NOL4L: variants seen among roughly 807,000 people sequenced by gnomAD.
The protein encoded by NOL4L is nucleolar protein 4-like.
In NOL4L, 7 loss-of-function variants were observed where a neutral mutation model predicts 64.5. That is an observed-to-expected ratio of 0.11 (90% CI 0.06 to 0.20). The LOEUF is 0.20. NOL4L is among the 10% of genes least tolerant of loss of function. The probability of loss-of-function intolerance (pLI) is 1.00; values close to 1 mark genes in which losing one functional copy is unlikely to be tolerated. For missense variants in NOL4L, 680 were observed against 967.1 expected (o/e 0.70, Z 3.94); for synonymous variants, 413 against 401.0 (o/e 1.03, Z -0.36).
At position 32,454,980 on chromosome 20, in the gene NOL4L, T is replaced by C. The variant is rs544316143; in HGVS notation, c.1119+1138A>G. Among the ~76,000 whole-genome samples, 294 of 152,312 alleles carry C rather than the reference T, an allele frequency of 1.9e-3. 2 individuals are homozygous for C. Among genetic ancestry groups the C allele is most frequent in the African/African-American group, 6.3e-3 (261 of 41,570 alleles). On this transcript the variant is annotated intron_variant, in intron 6 of 10. Transcript: ENST00000621426. ...TGGTGCCCTAGGGTCACTGGCCTGG[T>C]GCCTGTCTCTTCGTCCACATACAGA...
At chr20:32,521,591 G>A (rs1389370839) in intron 2 of NOL4L, among the ~76,000 whole-genome samples, 1 of 152,186 alleles carries the variant, frequency 6.6e-6, no homozygotes, top group East Asian at 1.9e-4. Flanking sequence ...GTTGCCTCCA[G>A]AAGGCCTCCC....
intron 4 of NOL4L, among the ~76,000 whole-genome samples, chr20:32,479,682 C>A (rs556539688): frequency 6.6e-6 from 1 of 152,340 alleles, no homozygotes; most frequent in South Asian, 2.1e-4. Flanking sequence ...CTTTGGACAC[C>A]CTGAAGCCCG....
intron 4 of NOL4L, among the ~76,000 whole-genome samples, chr20:32,488,747 T>TTCCTTCCTTCCTTCC (rs1392925840): frequency 1.9e-5 from 2 of 106,806 alleles, no homozygotes; most frequent in Admixed American, 9.9e-5. Flanking sequence ...CTTTCTTTCT[T>TTCCTTCCTTCCTTCC]TTCCTTCCTT....
At chr20:32,558,693 G>T (rs1035337248) in intron 1 of NOL4L, among the ~76,000 whole-genome samples, 2 of 152,224 alleles carry the variant, frequency 1.3e-5, no homozygotes, top group Non-Finnish European at 2.9e-5. Context: ...TCTGACTGGT[G>T]GGGCCAGAGG....
chr20:32,556,101 GC>G (rs549721949), intron 1 of NOL4L, among the ~76,000 whole-genome samples: 3 of 152,170 alleles, frequency 2.0e-5, no homozygotes, highest in Admixed American at 6.5e-5. Context: ...TGCATAGTAG[GC>G]CCCCCCTAAA....
chr20:32,487,939 T>TTA (rs1568646273), intron 4 of NOL4L, among the ~76,000 whole-genome samples: 20 of 105,676 alleles, frequency 1.9e-4, no homozygotes, highest in Non-Finnish European at 2.9e-4. Flanking sequence ...GTTTTATTTT[T>TTA]TTTTTTTTTT....
chr20:32,472,749 C>T (rs2015111260), intron 5 of NOL4L, among the ~76,000 whole-genome samples: 1 of 151,996 alleles, frequency 6.6e-6, no homozygotes, highest in Non-Finnish European at 1.5e-5. Context: ...CTCAGCCAGC[C>T]AGCGGGGTGG....
At chr20:32,525,508 C>T (rs1395657890) in intron 2 of NOL4L, among the ~76,000 whole-genome samples, 4 of 152,220 alleles carry the variant, frequency 2.6e-5, no homozygotes, top group East Asian at 3.9e-4. Context: ...GAGGTAACAA[C>T]AGCACCTGCT....
intron 5 of NOL4L, among the ~76,000 whole-genome samples, chr20:32,457,692 A>G (rs1055191298): frequency 1.3e-5 from 2 of 152,152 alleles, no homozygotes; most frequent in Non-Finnish European, 2.9e-5. Flanking sequence ...CCTCGGCTGC[A>G]GCAGGTCCCC....
intron 1 of NOL4L, among the ~76,000 whole-genome samples, chr20:32,578,147 G>A (rs1476304648): frequency 8.4e-6 from 1 of 119,066 alleles, no homozygotes; most frequent in East Asian, 2.9e-4. Context: ...AAGGAGGGAG[G>A]GAGGGAGGGA....
chr20:32,550,225 G>T (rs764006648), intron 1 of NOL4L, among the ~76,000 whole-genome samples: 1 of 152,208 alleles, frequency 6.6e-6, no homozygotes, highest in South Asian at 2.1e-4. Flanking sequence ...GAATACTGTA[G>T]ACTATTGTAA....
chr20:32,542,911 G>A (rs1375859419), intron 1 of NOL4L, among the ~76,000 whole-genome samples: 2 of 152,134 alleles, frequency 1.3e-5, no homozygotes, highest in African/African-American at 2.4e-5. Flanking sequence ...TTTAAAGTGG[G>A]GCTTTTAGGA....
intron 1 of NOL4L, among the ~76,000 whole-genome samples, chr20:32,583,566 A>C: frequency 1.4e-5 from 2 of 143,978 alleles, no homozygotes; most frequent in East Asian, 2.2e-4. Context: ...GCGCGGCCCG[A>C]CCGGGCCGGG....
At chr20:32,470,872 A>G (rs1457762407) in intron 5 of NOL4L, among the ~76,000 whole-genome samples, 3 of 152,178 alleles carry the variant, frequency 2.0e-5, no homozygotes, top group Non-Finnish European at 4.4e-5. Context: ...AAGGGGAGAG[A>G]GGAGAAGCAC....
At chr20:32,500,160 T>C (rs1473712297) in intron 4 of NOL4L, among the ~76,000 whole-genome samples, 1 of 152,228 alleles carries the variant, frequency 6.6e-6, no homozygotes, top group Non-Finnish European at 1.5e-5. Flanking sequence ...TGGAAGAGCC[T>C]GCAAGAAAGG....
intron 1 of NOL4L, among the ~76,000 whole-genome samples, chr20:32,561,352 C>T (rs944610601): frequency 3.3e-5 from 5 of 152,204 alleles, no homozygotes; most frequent in African/African-American, 4.8e-5. Flanking sequence ...AAAATCCCGA[C>T]GCTGGAATGC....
At chr20:32,509,772 A>C in intron 4 of NOL4L, 20 of 1,296,354 alleles carry the variant, frequency 1.5e-5, no homozygotes, top group Non-Finnish European at 1.7e-5. Context: ...GACACTGACC[A>C]CTACTGGTTC....
chr20:32,488,808 TC>T (rs1169982502), intron 4 of NOL4L, among the ~76,000 whole-genome samples: 2 of 22,980 alleles, frequency 8.7e-5, no homozygotes, highest in African/African-American at 2.9e-4. Context: ...TCTTTCTTTT[TC>T]TTTCTTTCTT....
Position 32,453,794 on chromosome 20 carries a change from C to G in NOL4L, c.1120-33G>C. 6.5e-7 allele frequency: 1 copy of G among 1,545,162 alleles called. No homozygotes were observed. The highest frequency in any genetic ancestry group is 1.4e-5 in the African/African-American group (1 of 73,036). Reference sequence around the variant, plus strand: ...GAGGGCAAGAGGCAGAGGGTTGGGCCAAGCAGCTGCTCAAGCCCTTGCTGG... The same window carrying G: ...GAGGGCAAGAGGCAGAGGGTTGGGCGAAGCAGCTGCTCAAGCCCTTGCTGG... On this transcript the variant is annotated intron_variant, in intron 6 of 10. Coordinates refer to ENST00000621426, the MANE Select transcript of NOL4L (RefSeq NM_001256798.2). The surrounding 1 kb of genome is among the most constrained non-coding windows in gnomAD (Gnocchi z 5.6).
Sources: allele counts gnomAD v4.1 joint callset (sites outside exome capture counted in the v4.1 genomes callset), GRCh38; gene constraint gnomAD v4.1.1; non-coding constraint Gnocchi (gnomAD v3.1); transcripts MANE v1.5; gene names NCBI Gene and HGNC (gene_info 2026-07-23, HGNC 2026-07-21).